The following ZNF254 variants were observed in gnomAD, a reference collection of about 807,000 sequenced individuals.
The protein encoded by ZNF254 is CTD-2017D11.1.
ZNF254 carries 10 observed loss-of-function variants against 12.4 expected under a neutral mutation model. The observed-to-expected ratio is 0.80, with a 90% confidence interval of 0.50 to 1.36. The LOEUF is 1.36. Among genes scored for constraint, ZNF254 ranks in the 40% most tolerant of loss-of-function variants. The pLI is 0.00. For missense variants in ZNF254, 996 were observed against 763.9 expected, an observed-to-expected ratio of 1.30 and a Z score of -3.58; for synonymous variants, 305 against 253.4, an observed-to-expected ratio of 1.20 and a Z score of -1.93.
chr19:24,059,548 A>G (rs1436374660), intron 2 of ZNF254, among the ~76,000 whole-genome samples: 1 of 152,146 alleles, frequency 6.6e-6, no homozygotes, highest in Non-Finnish European at 1.5e-5. Flanking sequence ...GAATATTCCC[A>G]AAAAGAGAGT....
chr19:24,115,625 GTAAC>G (rs536845667), intron 3 of ZNF254, among the ~76,000 whole-genome samples: 2,213 of 152,122 alleles, frequency 0.015, 29 homozygotes, highest in South Asian at 0.022. Context: ...GTATACATAT[GTAAC>G]TAACCTGCAC....
chr19:24,120,289 T>A (rs1974389264), intron 3 of ZNF254, among the ~76,000 whole-genome samples: 2 of 152,108 alleles, frequency 1.3e-5, no homozygotes, highest in Non-Finnish European at 2.9e-5. Context: ...GAATTAAAGA[T>A]GAGACTTGGG....
chr19:24,108,546 T>G (rs1038933118), intron 3 of ZNF254, among the ~76,000 whole-genome samples: 5 of 152,170 alleles, frequency 3.3e-5, no homozygotes, highest in Admixed American at 2.6e-4. Flanking sequence ...CAGGCAGGTC[T>G]TAATATTTTG....
intron 3 of ZNF254, among the ~76,000 whole-genome samples, chr19:24,117,811 G>C (rs369680158): frequency 1.3e-5 from 2 of 151,968 alleles, no homozygotes; most frequent in African/African-American, 4.8e-5. Flanking sequence ...GCTGTAGACC[G>C]GAGCTGTTCG....
At chr19:24,069,290 G>A (rs905701308) in intron 2 of ZNF254, among the ~76,000 whole-genome samples, 26 of 149,622 alleles carry the variant, frequency 1.7e-4, no homozygotes, top group Non-Finnish European at 4.4e-5. Flanking sequence ...ATAGGTGTGA[G>A]CCACTGCTCC....
intron 1 of ZNF254, among the ~76,000 whole-genome samples, chr19:24,092,781 G>A (rs1972469512): frequency 6.6e-6 from 1 of 152,218 alleles, no homozygotes; most frequent in Non-Finnish European, 1.5e-5. Flanking sequence ...CCTTGTGCAT[G>A]TGTGTTTATG....
upstream of ZNF254, among the ~76,000 whole-genome samples, chr19:24,085,428 A>AC: frequency 7.3e-6 from 1 of 137,862 alleles, no homozygotes; most frequent in Non-Finnish European, 1.6e-5. Flanking sequence ...ATATATATAA[A>AC]AACTAAGATT....
intron 1 of ZNF254, among the ~76,000 whole-genome samples, chr19:24,036,860 C>G (rs1250672304): frequency 6.6e-6 from 1 of 152,142 alleles, no homozygotes; most frequent in East Asian, 1.9e-4. Flanking sequence ...TGAACATACC[C>G]ACTAGGAATG....
chr19:24,106,165 C>A, intron 2 of ZNF254, 99 bp downstream of exon 2: 1 of 1,401,568 alleles, frequency 7.1e-7, no homozygotes, highest in Non-Finnish European at 9.5e-7. Flanking sequence ...TTTCTGTTTT[C>A]AAGAAAATAC....
intron 2 of ZNF254, chr19:24,046,371 T>TATATATATATATATA (rs1970381916): frequency 3.9e-5 from 2 of 51,400 alleles, no homozygotes; most frequent in African/African-American, 1.6e-4. Context: ...TTTTATTATT[T>TATATATATATATATA]TTTATATATA....
chr19:24,068,555 C>T (rs180822714), intron 2 of ZNF254, among the ~76,000 whole-genome samples: 16 of 152,284 alleles, frequency 1.1e-4, no homozygotes, highest in Admixed American at 6.5e-5. Context: ...CTTGCCTTGG[C>T]CTCCCAAAGT....
intron 2 of ZNF254, among the ~76,000 whole-genome samples, chr19:24,059,267 T>C (rs1970981201): frequency 6.6e-6 from 1 of 152,190 alleles, no homozygotes; most frequent in African/African-American, 2.4e-5. Flanking sequence ...GTAAGAGACA[T>C]TGTCACATGT....
intron 2 of ZNF254, chr19:24,049,353 T>C (rs916247846): frequency 2.0e-5 from 3 of 151,460 alleles, no homozygotes; most frequent in African/African-American, 7.3e-5. Flanking sequence ...ATTACAGGCA[T>C]GCACCACCAT....
Position 24,127,423 on chromosome 19 carries a change from T to C in ZNF254, c.1423T>C (p.Ser475Pro). 1 of 1,612,408 alleles carries C rather than the reference T, an allele frequency of 6.2e-7. No homozygotes were observed. Among genetic ancestry groups the C allele is most frequent in the East Asian group, 2.2e-5 (1 of 44,772 alleles). The change falls in exon 4 of 4, where the codon TCA (serine) becomes CCA (proline). Residue 475 changes from serine (S) to proline (P), a missense_variant. Ser to Pro is a moderately conservative substitution (Grantham distance 74). Coordinates refer to ENST00000357002, the MANE Select transcript of ZNF254 (RefSeq NM_203282.4). ...EECGKAFIWS[S>P]TLTRHKRMHT... ...ATGTGGCAAGGCATTTATATGGTCCTCAACCCTAACTAGACATAAGAGGAT... is the reference window on the plus strand; with the variant it reads ...ATGTGGCAAGGCATTTATATGGTCCCCAACCCTAACTAGACATAAGAGGAT...
At chr19:24,049,214 A>ATATATATATTTTTTTT (rs1160333151) in intron 2 of ZNF254, among the ~76,000 whole-genome samples, 4 of 40,866 alleles carry the variant, frequency 9.8e-5, no homozygotes, top group African/African-American at 2.7e-4. Context: ...ATATATATAT[A>ATATATATATTTTTTTT]TTTTTTTTTT....
At chr19:24,122,718 A>C (rs184808730) in intron 3 of ZNF254, among the ~76,000 whole-genome samples, 2 of 146,012 alleles carry the variant, frequency 1.4e-5, no homozygotes, top group Admixed American at 6.9e-5. Flanking sequence ...GATATTTCAG[A>C]ATTTTTATAT....
At position 24,128,585 on chromosome 19, in the gene ZNF254, C is replaced by T. The variant is rs1599781616; in HGVS notation, c.*605C>T. 2 of 151,900 alleles carry T rather than the reference C, an allele frequency of 1.3e-5. No homozygotes were observed. Among genetic ancestry groups the T allele is most frequent in the African/African-American group, 4.8e-5 (2 of 41,376 alleles). The allele number at this position is 151,900 out of a possible 1,614,324, so 9.4% of individuals were successfully genotyped here. A position where few individuals can be genotyped will look rare whatever the true frequency, so the allele number is the denominator to read the frequency against. ...CATCAGGGAGTTTAAGAAAACCCTGCAAGTATAATGAATTTGGAAAAACAT... is the reference window on the plus strand; with the variant it reads ...CATCAGGGAGTTTAAGAAAACCCTGTAAGTATAATGAATTTGGAAAAACAT... On this transcript the variant is annotated 3_prime_UTR_variant, in exon 4 of 4. Coordinates refer to ENST00000357002, the MANE Select transcript of ZNF254 (RefSeq NM_203282.4).
At chr19:24,117,185 A>T (rs909995499) in intron 3 of ZNF254, among the ~76,000 whole-genome samples, 3 of 152,076 alleles carry the variant, frequency 2.0e-5, no homozygotes, top group African/African-American at 7.2e-5. Flanking sequence ...CTGTTCTCAG[A>T]TCTCCAGCTG....
At chr19:24,094,534 C>T (rs1435525083) in intron 1 of ZNF254, among the ~76,000 whole-genome samples, 3 of 152,226 alleles carry the variant, frequency 2.0e-5, no homozygotes, top group African/African-American at 7.2e-5. Flanking sequence ...GCTGGGATTA[C>T]AGGCGTGAGT....
Sources: allele counts gnomAD v4.1 joint callset (sites outside exome capture counted in the v4.1 genomes callset), GRCh38; gene constraint gnomAD v4.1.1; transcripts MANE v1.5; gene names NCBI Gene and HGNC (gene_info 2026-07-23, HGNC 2026-07-21).